Variants in DMD observed in about 807,000 individuals in gnomAD.
DMD encodes mutant dystrophin.
DMD carries 63 observed loss-of-function variants against 330.1 expected under a neutral mutation model. That is an observed-to-expected ratio of 0.19 (90% CI 0.16 to 0.24). The LOEUF is 0.24. Among genes scored for constraint, DMD ranks in the 10% least tolerant of loss-of-function variants. The pLI, the probability that DMD is intolerant of heterozygous loss-of-function variation, is 1.00. For missense variants in DMD, 3,344 were observed against 2,684.1 expected (o/e 1.25, Z -5.43); for synonymous variants, 1,223 against 959.8 (o/e 1.27, Z -5.07).
rs749553988 is a variant in DMD at position 32,228,915 on chromosome X, G to A, written c.6291-11852C>T. Among the ~76,000 whole-genome samples the A allele has an allele frequency of 2.0e-3, 227 of 111,786 alleles. 2 individuals carry two copies. The highest frequency in any genetic ancestry group is 7.1e-3 in the African/African-American group (219 of 30,853). On this transcript the variant is annotated intron_variant, in intron 43 of 78. Transcript: ENST00000357033. The stretch of plus-strand genomic sequence containing the variant: ...GCTATGCACTCTAATTAAAACTTCA[G>A]ATTAAGTACATGATTAAATATACTC...
chrX:32,176,946 C>T (rs2096908745), intron 44 of DMD, among the ~76,000 whole-genome samples: 1 of 111,521 alleles, frequency 9.0e-6, no homozygotes, highest in Non-Finnish European at 1.9e-5. Context: ...CCAATACGTA[C>T]TTACTGATCA....
intron 21 of DMD, among the ~76,000 whole-genome samples, chrX:32,478,087 G>A (rs1226486133): frequency 9.0e-6 from 1 of 111,479 alleles, no homozygotes; most frequent in Non-Finnish European, 1.9e-5. Context: ...TTTTTCTGTT[G>A]GATAGTGCTT....
intron 1 of DMD, among the ~76,000 whole-genome samples, chrX:33,092,588 G>A (rs1376734028): frequency 1.8e-5 from 2 of 110,744 alleles, no homozygotes; most frequent in Admixed American, 9.7e-5. Context: ...AATAACATAC[G>A]AATCAATTAT....
chrX:32,738,119 T>C, intron 7 of DMD, among the ~76,000 whole-genome samples: 1 of 111,631 alleles, frequency 9.0e-6, no homozygotes, highest in East Asian at 2.9e-4. Context: ...TGAATAAACC[T>C]GATTAAGCCA....
In DMD at chrX:31,382,821, A is replaced by G. The variant is rs191375937; in HGVS notation, c.9085-34187T>C. ...CCTCGAAGCAGCCCTGAGAAACATC[A>G]CCCATTATCTCTCCACACCACCCCG... On this transcript the variant is annotated intron_variant, in intron 60 of 78. Coordinates refer to ENST00000357033, the MANE Select transcript of DMD (RefSeq NM_004006.3). 2.1e-3 allele frequency among the ~76,000 whole-genome samples: 233 copies of G among 110,321 alleles called. 1 individual carries two copies. The highest frequency in any genetic ancestry group is 7.2e-3 in the African/African-American group (217 of 30,263).
chrX:33,101,727 A>G (rs778399256), intron 1 of DMD, among the ~76,000 whole-genome samples: 56 of 112,838 alleles, frequency 5.0e-4, no homozygotes, highest in African/African-American at 1.8e-3. Context: ...TTGAATGCGT[A>G]GTGCCTGATA....
At chrX:32,522,425 T>A (rs73453751) in intron 17 of DMD, among the ~76,000 whole-genome samples, 3,737 of 112,164 alleles carry the variant, frequency 0.033, 162 homozygotes, top group African/African-American at 0.11. Context: ...AACATATCCG[T>A]ATAATTTGTA....
chrX:31,704,667 C>T (rs2084045771), intron 52 of DMD, among the ~76,000 whole-genome samples: 1 of 111,423 alleles, frequency 9.0e-6, no homozygotes, highest in South Asian at 3.8e-4. Context: ...TTAACCCAAA[C>T]AAAAAGACAC....
chrX:32,482,634 T>C (rs777749078), intron 21 of DMD, among the ~76,000 whole-genome samples: 5 of 111,722 alleles, frequency 4.5e-5, no homozygotes, highest in Non-Finnish European at 7.5e-5. Flanking sequence ...ATCTAGTTCT[T>C]ACAGCATCCC....
intron 21 of DMD, among the ~76,000 whole-genome samples, chrX:32,478,667 C>A (rs768070112): frequency 9.0e-6 from 1 of 111,642 alleles, no homozygotes; most frequent in East Asian, 2.8e-4. Context: ...GGAATTCAAT[C>A]AACATTTTAG....
intron 63 of DMD, among the ~76,000 whole-genome samples, chrX:31,259,212 G>A (rs1187172188): frequency 8.9e-6 from 1 of 111,920 alleles, no homozygotes; most frequent in Non-Finnish European, 1.9e-5. Flanking sequence ...TGTAATTAGA[G>A]TAGGAAATGT....
At chrX:31,416,704 G>A (rs1473833078) in intron 60 of DMD, among the ~76,000 whole-genome samples, 5 of 112,184 alleles carry the variant, frequency 4.5e-5, no homozygotes, top group African/African-American at 1.6e-4. Context: ...TGAAGCTGCG[G>A]CTTGAGGTAG....
intron 41 of DMD, among the ~76,000 whole-genome samples, chrX:32,338,830 C>G (rs981402037): frequency 7.2e-5 from 8 of 111,273 alleles, no homozygotes; most frequent in Admixed American, 1.9e-4. Flanking sequence ...CATGCCCTTT[C>G]TTGGCAGTCA....
chrX:32,308,180 T>C (rs1052976437), intron 42 of DMD, among the ~76,000 whole-genome samples: 3 of 110,762 alleles, frequency 2.7e-5, no homozygotes, highest in Non-Finnish European at 5.7e-5. Flanking sequence ...AAACCATACG[T>C]GCTATTTTAG....
intron 55 of DMD, among the ~76,000 whole-genome samples, chrX:31,625,940 C>T (rs2078814315): frequency 9.0e-6 from 1 of 111,540 alleles, no homozygotes; most frequent in Admixed American, 9.6e-5. Flanking sequence ...TTATTATTTA[C>T]CTACCATAGC....
At chrX:32,573,338 A>G (rs1194574673) in intron 15 of DMD, among the ~76,000 whole-genome samples, 192 bp downstream of exon 15, 2 of 111,967 alleles carry the variant, frequency 1.8e-5, no homozygotes, top group Non-Finnish European at 3.8e-5. Context: ...ACTTTGAAAA[A>G]CAAAGTTGAA....
At chrX:32,793,100 A>G (rs892396588) in intron 7 of DMD, among the ~76,000 whole-genome samples, 2 of 112,154 alleles carry the variant, frequency 1.8e-5, no homozygotes, top group Non-Finnish European at 3.8e-5. Context: ...ATCATATCTA[A>G]TATCTTCTTA....
At chrX:33,270,027 T>C (rs780210931) in intron 1 of DMD, among the ~76,000 whole-genome samples, 14 of 110,316 alleles carry the variant, frequency 1.3e-4, no homozygotes, top group Non-Finnish European at 2.6e-4. Context: ...ATAAGTGATT[T>C]AACAGGGGCA....
intron 11 of DMD, among the ~76,000 whole-genome samples, chrX:32,626,118 C>A (rs2146529681): frequency 8.9e-6 from 1 of 111,975 alleles, no homozygotes; most frequent in African/African-American, 3.2e-5. Flanking sequence ...TAAATGCACG[C>A]CATTTAGAAA....
Sources: gnomAD v4.1 joint callset for allele counts (sites outside exome capture counted in the v4.1 genomes callset) on GRCh38, gnomAD v4.1.1 for gene constraint, MANE v1.5 for transcripts, NCBI Gene and HGNC (gene_info 2026-07-23, HGNC 2026-07-21) for gene names.